The following IDE variants were observed in gnomAD, a reference collection of about 807,000 sequenced individuals.
IDE encodes insulin degrading enzyme.
IDE carries 58 observed loss-of-function variants against 133.2 expected under a neutral mutation model. That is an observed-to-expected ratio of 0.44 (90% CI 0.35 to 0.54). IDE has a LOEUF of 0.54. Ranked by LOEUF, IDE falls within the 20% of genes least tolerant of loss-of-function variation. The probability of loss-of-function intolerance (pLI) is 0.00; values close to 1 mark genes in which losing one functional copy is unlikely to be tolerated. For missense variants in IDE, 981 were observed against 1,234.0 expected (o/e 0.79, Z 3.07); for synonymous variants, 396 against 421.3 (o/e 0.94, Z 0.73).
At chr10:92,479,616 TG>T in intron 14 of IDE, 195 bp from the exon 15 acceptor site, 1 of 512,690 alleles carries the variant, frequency 2.0e-6, no homozygotes, top group Non-Finnish European at 3.5e-6. Context: ...TGTGAGTGTG[TG>T]TGTGTGTGTG....
chr10:92,474,865 C>G lies in IDE; in HGVS notation c.2092G>C (p.Asp698His), dbSNP rs1402000639. The change falls in exon 17 of 25, where the codon GAT becomes CAT. Residue 698 changes from aspartate (D) to histidine (H), a missense_variant. This residue lies in a region of IDE where 660 missense variants were observed against 894.7 expected (regional missense o/e 0.74). Transcript: ENST00000265986. ...LLMTEVAWTK[D>H]ELKEALDDVT... ...CCATCCAGAGCTTCTTTTAACTCAT[C>G]TTTAGTCCAGGCCACTTCAGTCATC... The G allele has an allele frequency of 6.2e-7, 1 of 1,613,362 alleles. No homozygotes were observed. Among genetic ancestry groups the G allele is most frequent in the Non-Finnish European group, 8.5e-7 (1 of 1,179,724 alleles).
At chr10:92,476,107 G>C in intron 15 of IDE, 113 bp from the exon 16 acceptor site, 2 of 611,066 alleles carry the variant, frequency 3.3e-6, no homozygotes, top group Non-Finnish European at 5.8e-6. Context: ...TGTAAAAAAT[G>C]AAACAAATTC....
At chr10:92,532,480 C>T (rs903283767) in intron 3 of IDE, among the ~76,000 whole-genome samples, 2 of 151,996 alleles carry the variant, frequency 1.3e-5, no homozygotes, top group African/African-American at 2.4e-5. Context: ...CAGTAAAAAA[C>T]CTGAGGTATG....
chr10:92,485,889 C>T (rs1846963686), intron 13 of IDE, among the ~76,000 whole-genome samples: 1 of 152,058 alleles, frequency 6.6e-6, no homozygotes, highest in Non-Finnish European at 1.5e-5. Flanking sequence ...CTGCAGTGAG[C>T]TATGATCCCA....
intron 4 of IDE, among the ~76,000 whole-genome samples, chr10:92,529,223 CAA>C (rs1461603198): frequency 6.6e-6 from 1 of 152,154 alleles, no homozygotes; most frequent in African/African-American, 2.4e-5. Context: ...ATCACTTTTG[CAA>C]AGTTTTCAAT....
intron 13 of IDE, among the ~76,000 whole-genome samples, chr10:92,483,681 G>A (rs1846758983): frequency 6.6e-6 from 1 of 152,188 alleles, no homozygotes; most frequent in Non-Finnish European, 1.5e-5. Flanking sequence ...TCCCTTGCAA[G>A]CGTATGGCAG....
At chr10:92,458,501 T>G (rs1016382677) in intron 22 of IDE, among the ~76,000 whole-genome samples, 21 of 85,284 alleles carry the variant, frequency 2.5e-4, no homozygotes, top group South Asian at 8.7e-4. Context: ...TTTTTTTTTT[T>G]TTTTTTTTTT....
At chr10:92,506,232 TA>T (rs1255506368) in intron 10 of IDE, among the ~76,000 whole-genome samples, 2 of 152,222 alleles carry the variant, frequency 1.3e-5, no homozygotes, top group Admixed American at 1.3e-4. Context: ...AATGCATATT[TA>T]ATAAAAATAT....
At chr10:92,501,128 G>A (rs1166801322) in intron 11 of IDE, among the ~76,000 whole-genome samples, 3 of 151,658 alleles carry the variant, frequency 2.0e-5, no homozygotes, top group African/African-American at 7.3e-5. Context: ...GGGAGGCTGA[G>A]GTGGGAGGAT....
chr10:92,510,196 A>G (rs1178112906), intron 5 of IDE, 34 bp from the exon 6 acceptor site: 1 of 1,123,862 alleles, frequency 8.9e-7, no homozygotes, highest in East Asian at 2.4e-5. Context: ...ACAGAACTTA[A>G]GCGAATCATA....
intron 1 of IDE, among the ~76,000 whole-genome samples, chr10:92,540,468 T>G (rs568164720): frequency 1.3e-5 from 2 of 152,268 alleles, no homozygotes; most frequent in African/African-American, 4.8e-5. Context: ...AGAAGGGCAG[T>G]GTTAAAACGG....
chr10:92,505,432 AG>A (rs942379661), intron 10 of IDE, among the ~76,000 whole-genome samples: 11 of 152,326 alleles, frequency 7.2e-5, no homozygotes, highest in African/African-American at 2.6e-4. Context: ...CAATATACTG[AG>A]ACACACTGAC....
chr10:92,536,532 C>T (rs1191259834), intron 2 of IDE, among the ~76,000 whole-genome samples: 1 of 149,646 alleles, frequency 6.7e-6, no homozygotes, highest in Non-Finnish European at 1.5e-5. Context: ...AACCCCATCT[C>T]TACTAAAAAT....
At chr10:92,557,874 CA>C (rs3051565) in intron 1 of IDE, among the ~76,000 whole-genome samples, 22 of 108,310 alleles carry the variant, frequency 2.0e-4, no homozygotes, top group South Asian at 6.4e-4. Context: ...GATTCCACCT[CA>C]AAAAAAAAAA....
At chr10:92,487,427 G>A in intron 12 of IDE, 109 bp from the exon 13 acceptor site, 2 of 925,514 alleles carry the variant, frequency 2.2e-6, no homozygotes, top group Non-Finnish European at 3.2e-6. Context: ...ATGTCACACA[G>A]CATTGTTTTC....
At chr10:92,545,284 G>A (rs759952695) in intron 1 of IDE, among the ~76,000 whole-genome samples, 19 of 151,714 alleles carry the variant, frequency 1.3e-4, no homozygotes, top group Non-Finnish European at 2.8e-4. Flanking sequence ...AAAACACATA[G>A]AGATGGGAAA....
At chr10:92,483,940 T>TGG (rs1846782084) in intron 13 of IDE, among the ~76,000 whole-genome samples, 1 of 152,168 alleles carries the variant, frequency 6.6e-6, no homozygotes, top group African/African-American at 2.4e-5. Context: ...GAGGTCCATG[T>TGG]GGTGAAAAAT....
chr10:92,460,795 G>A (rs968320423), intron 22 of IDE, among the ~76,000 whole-genome samples: 4 of 152,176 alleles, frequency 2.6e-5, no homozygotes, highest in African/African-American at 4.8e-5. Flanking sequence ...CATAAATCCA[G>A]CCTGAATGGC....
At chr10:92,496,130 C>T (rs917612164) in intron 11 of IDE, among the ~76,000 whole-genome samples, 11 of 152,118 alleles carry the variant, frequency 7.2e-5, no homozygotes, top group African/African-American at 2.7e-4. Flanking sequence ...CTGCCTCAGC[C>T]TCTCAAAGTG....
Sources: allele counts gnomAD v4.1 joint callset (sites outside exome capture counted in the v4.1 genomes callset), GRCh38; gene constraint gnomAD v4.1.1; regional missense constraint gnomAD v4.1.1; transcripts MANE v1.5; gene names NCBI Gene and HGNC (gene_info 2026-07-23, HGNC 2026-07-21).